Variants in GCSAML observed in about 807,000 individuals in gnomAD.
The protein encoded by GCSAML is germinal center associated signaling and motility like.
A neutral mutation model predicts 13.0 loss-of-function variants in GCSAML; 9 were observed. The observed-to-expected ratio is 0.69, with a 90% CI of 0.42 to 1.21. GCSAML has a LOEUF of 1.21. Among genes scored for constraint, GCSAML ranks in the 50% most tolerant of loss-of-function variants. The pLI is 0.00. For missense variants in GCSAML, 143 were observed against 153.4 expected, an observed-to-expected ratio of 0.93 and a Z score of 0.36; for synonymous variants, 37 against 52.9, an observed-to-expected ratio of 0.70 and a Z score of 1.31.
rs974932179 is a variant in GCSAML at position 247,577,617 on chromosome 1, A to T, written c.*3235A>T. ...AATTTGTTAATCTAATCACTGATGG[A>T]TATGTAGGATATTTAAGTTTTTGAC... is the stretch of plus-strand genomic sequence containing the variant. On this transcript the variant is annotated 3_prime_UTR_variant, in exon 5 of 5. Transcript: ENST00000366488. The T allele has an allele frequency of 2.0e-5, 3 of 152,186 alleles. No individual in the cohort carries two copies. The highest frequency in any genetic ancestry group is 4.4e-5 in the Non-Finnish European group (3 of 68,026). 9.4% of individuals were successfully genotyped at this position (152,186 alleles called of 1,614,324 possible). A position where few individuals can be genotyped will look rare whatever the true frequency, so the allele number is the denominator to read the frequency against.
At chr1:247,524,734 A>G (rs1409916168) in intron 1 of GCSAML, 1 of 150,852 alleles carries the variant, frequency 6.6e-6, no homozygotes, top group African/African-American at 2.5e-5. Flanking sequence ...CTTTTGTACC[A>G]CAAAGGAAAC....
At chr1:247,537,256 CATG>C (rs1266908568) in intron 2 of GCSAML, among the ~76,000 whole-genome samples, 3 of 152,276 alleles carry the variant, frequency 2.0e-5, no homozygotes, top group Admixed American at 1.3e-4. Context: ...TTTCATTTAA[CATG>C]ATATTTTCAA....
chr1:247,565,971 A>T lies in GCSAML; in HGVS notation c.168+12A>T. ...CCACTTCTAATCAGGTAAGTAGAAAACAAAAAGCAAGACAAAAGAAAAACA... is the reference window on the plus strand; with the variant it reads ...CCACTTCTAATCAGGTAAGTAGAAATCAAAAAGCAAGACAAAAGAAAAACA... On this transcript the variant is annotated intron_variant, in intron 4 of 4. Coordinates refer to ENST00000366488, the MANE Select transcript of GCSAML (RefSeq NM_145278.5). 1 of 1,536,546 alleles carries T rather than the reference A, an allele frequency of 6.5e-7. No individual in the cohort carries two copies.
intron 1 of GCSAML, among the ~76,000 whole-genome samples, chr1:247,555,152 C>A (rs1176933804): frequency 6.6e-6 from 1 of 151,960 alleles, no homozygotes; most frequent in African/African-American, 2.4e-5. Flanking sequence ...ATGTTAAATA[C>A]TTTTCCTGTC....
intron 2 of GCSAML, among the ~76,000 whole-genome samples, chr1:247,542,593 A>C (rs1667449445): frequency 6.6e-6 from 1 of 152,220 alleles, no homozygotes; most frequent in African/African-American, 2.4e-5. Flanking sequence ...TATCAATAAA[A>C]TCTTTAAATT....
At chr1:247,553,632 C>T (rs191144997) in intron 1 of GCSAML, among the ~76,000 whole-genome samples, 194 of 152,262 alleles carry the variant, frequency 1.3e-3, no homozygotes, top group African/African-American at 4.5e-3. Context: ...CTATGTTGCC[C>T]GGTCTGGAGT....
At chr1:247,560,840 T>G (rs1453854836) in intron 2 of GCSAML, among the ~76,000 whole-genome samples, 1 of 152,220 alleles carries the variant, frequency 6.6e-6, no homozygotes, top group East Asian at 1.9e-4. Context: ...CATATCTCAG[T>G]GTTCCATGCC....
chr1:247,553,079 A>G (rs1667834706), intron 1 of GCSAML, among the ~76,000 whole-genome samples: 1 of 152,224 alleles, frequency 6.6e-6, no homozygotes, highest in Non-Finnish European at 1.5e-5. Flanking sequence ...TTAATACACC[A>G]ATCAAAACAA....
rs1668830203 is a variant in GCSAML, at chr1:247,576,276, A to T, written c.*1894A>T. The T allele has an allele frequency of 6.6e-6, 1 of 152,224 alleles. No homozygotes were observed. The highest frequency in any genetic ancestry group is 1.5e-5 in the Non-Finnish European group (1 of 68,054). 9.4% of individuals were successfully genotyped at this position (152,224 alleles called of 1,614,324 possible). A position where few individuals can be genotyped will look rare whatever the true frequency, so the allele number is the denominator to read the frequency against. ...GTTTCAGATGTTAAGCTGGTGATGC[A>T]GTTCATGCCAGTGATCCGAGTACTT... On this transcript the variant is annotated 3_prime_UTR_variant, in exon 5 of 5. Transcript: ENST00000366488.
rs140254820 is a variant in GCSAML at position 247,573,980 on chromosome 1, G to T, written c.169-163G>T. Among the ~76,000 whole-genome samples the T allele has an allele frequency of 2.7e-3, 404 of 152,026 alleles. 5 individuals carry two copies. The East Asian group carries it at 0.038, about 14-fold the overall frequency. On this transcript the variant is annotated intron_variant, in intron 4 of 4. Transcript: ENST00000366488. ...TAAATGGGAGTTCACTCATGATTTG[G>T]CTCTCTGCTTGTCTATTATTGGTGT...
intron 2 of GCSAML, among the ~76,000 whole-genome samples, chr1:247,559,098 G>A (rs1668042017): frequency 2.0e-5 from 3 of 152,082 alleles, no homozygotes; most frequent in Non-Finnish European, 4.4e-5. Context: ...TCATCAGCAC[G>A]ATGGCTGTCT....
At chr1:247,544,150 G>T (rs556711227), upstream of GCSAML, among the ~76,000 whole-genome samples, 1 of 152,182 alleles carries the variant, frequency 6.6e-6, no homozygotes, top group Non-Finnish European at 1.5e-5. Flanking sequence ...TGTAGAGAGA[G>T]AGCTCATGAT....
chr1:247,551,868 C>T (rs1667789499), intron 1 of GCSAML, among the ~76,000 whole-genome samples: 1 of 152,174 alleles, frequency 6.6e-6, no homozygotes, highest in African/African-American at 2.4e-5. Context: ...AAGTCTTGTT[C>T]TGTCTGTTTA....
At chr1:247,572,045 G>A (rs1668636554) in intron 4 of GCSAML, among the ~76,000 whole-genome samples, 1 of 152,018 alleles carries the variant, frequency 6.6e-6, no homozygotes, top group South Asian at 2.1e-4. Context: ...ATGTTTTTCA[G>A]CTCCATCAGG....
At chr1:247,554,257 T>G (rs1434921582) in intron 1 of GCSAML, among the ~76,000 whole-genome samples, 3 of 152,186 alleles carry the variant, frequency 2.0e-5, no homozygotes, top group Non-Finnish European at 4.4e-5. Context: ...TCCAAGATAT[T>G]ATTCATTTTA....
chr1:247,513,221 T>C (rs933792047), intron 1 of GCSAML, among the ~76,000 whole-genome samples: 1 of 152,116 alleles, frequency 6.6e-6, no homozygotes, highest in Non-Finnish European at 1.5e-5. Flanking sequence ...AGAGGAGCAA[T>C]CTAGAGAGGC....
chr1:247,546,317 C>A (rs1184148187), upstream of GCSAML, among the ~76,000 whole-genome samples: 1 of 152,022 alleles, frequency 6.6e-6, no homozygotes, highest in Admixed American at 6.5e-5. Context: ...GGACTACAGG[C>A]ACATGCTACC....
intron 2 of GCSAML, chr1:247,529,492 A>G (rs1398147477): frequency 6.6e-6 from 1 of 152,240 alleles, no homozygotes; most frequent in Admixed American, 6.5e-5. Context: ...TGCAGGCTGC[A>G]GTGTATGCCC....
chr1:247,555,885 G>A (rs777006738), intron 1 of GCSAML, among the ~76,000 whole-genome samples: 8 of 152,204 alleles, frequency 5.3e-5, no homozygotes, highest in Non-Finnish European at 1.2e-4. Flanking sequence ...AAAACACCAA[G>A]AGTAATATGA....
Sources: allele counts gnomAD v4.1 joint callset (sites outside exome capture counted in the v4.1 genomes callset), GRCh38; gene constraint gnomAD v4.1.1; transcripts MANE v1.5; gene names NCBI Gene and HGNC (gene_info 2026-07-23, HGNC 2026-07-21).